The following NAV2 variants were observed in gnomAD, a reference collection of about 807,000 sequenced individuals.
The protein encoded by NAV2 is helicase, APC down-regulated 1.
A neutral mutation model predicts 223.2 loss-of-function variants in NAV2; 54 were observed. That is an observed-to-expected ratio of 0.24 (90% CI 0.19 to 0.30). NAV2 has a LOEUF of 0.30. Ranked by LOEUF, NAV2 falls within the 10% of genes least tolerant of loss-of-function variation. The pLI is 1.00. For missense variants in NAV2, 2,806 were observed against 3,147.5 expected (o/e 0.89, Z 2.60); for synonymous variants, 1,279 against 1,239.3 (o/e 1.03, Z -0.67).
intron 1 of NAV2, among the ~76,000 whole-genome samples, chr11:19,562,805 C>A (rs938272541): frequency 6.6e-6 from 1 of 152,188 alleles, no homozygotes; most frequent in Non-Finnish European, 1.5e-5. Context: ...TCAGTAGCAC[C>A]TACAAGACAG....
At chr11:19,924,246 CTGTT>C (rs2044528681) in intron 6 of NAV2, among the ~76,000 whole-genome samples, 1 of 149,514 alleles carries the variant, frequency 6.7e-6, no homozygotes, top group South Asian at 2.1e-4. Flanking sequence ...CCTTGTAAAA[CTGTT>C]TGGAGAAAAT....
At chr11:20,085,009 T>C (rs1207552831) in intron 26 of NAV2, among the ~76,000 whole-genome samples, 1 of 151,922 alleles carries the variant, frequency 6.6e-6, no homozygotes, top group East Asian at 1.9e-4. Flanking sequence ...GTCAATATAG[T>C]GAGACTCTGT....
chr11:19,582,984 C>T (rs947887429), intron 1 of NAV2, among the ~76,000 whole-genome samples: 31 of 152,144 alleles, frequency 2.0e-4, no homozygotes, highest in Admixed American at 1.3e-3. Flanking sequence ...GCCATTTTCA[C>T]GATATTGATT....
At chr11:19,866,867 T>A (rs1279526722) in intron 3 of NAV2, among the ~76,000 whole-genome samples, 1 of 152,176 alleles carries the variant, frequency 6.6e-6, no homozygotes, top group Non-Finnish European at 1.5e-5. Context: ...GCTTTTTCTT[T>A]TTCTCACTTT....
intron 30 of NAV2, 23 bp from the exon 31 acceptor site, chr11:20,097,554 T>G: frequency 1.3e-6 from 2 of 1,544,664 alleles, no homozygotes; most frequent in Non-Finnish European, 1.7e-6. Context: ...TTTGATGGGG[T>G]CTTTATTTTT....
At chr11:20,006,767 A>G (rs149133173) in intron 11 of NAV2, among the ~76,000 whole-genome samples, 2,163 of 152,210 alleles carry the variant, frequency 0.014, 67 homozygotes, top group African/African-American at 0.049. Context: ...TGGGAGGATC[A>G]CTTGAGCCTG....
chr11:20,114,755 G>A lies in NAV2; in HGVS notation c.7124G>A (p.Ser2375Asn). 3.7e-6 allele frequency: 6 copies of A among 1,613,974 alleles called. No individual in the cohort carries two copies. The highest frequency in any genetic ancestry group is 3.4e-6 in the Non-Finnish European group (4 of 1,179,978). Residue 2375 changes from serine to asparagine, a missense_variant, in exon 37 of 38, where the codon AGC (serine) becomes AAC (asparagine). Transcript: ENST00000349880. ...TCCATGCCTCGGGAGGGATCGACAA[G>A]CAAGCAGATGCCCCCCAGTGATGCT... ...GYSMPREGST[S>N]KQMPPSDAEG...
intron 1 of NAV2, among the ~76,000 whole-genome samples, chr11:19,784,445 ATATTGTATAATAATAATAGTAAT>A (rs1209833427): frequency 2.0e-5 from 3 of 148,816 alleles, no homozygotes; most frequent in Non-Finnish European, 4.5e-5. Context: ...AGTGACATGA[ATATTGTATAATAATAATAGTAAT>A]TATTATTATT....
chr11:19,561,152 C>T (rs2045082396), intron 1 of NAV2, among the ~76,000 whole-genome samples: 1 of 152,210 alleles, frequency 6.6e-6, no homozygotes, highest in African/African-American at 2.4e-5. Flanking sequence ...CAGAAAGAGG[C>T]ATTTCTGATA....
chr11:19,799,996 A>G (rs2058143641), intron 1 of NAV2, among the ~76,000 whole-genome samples: 1 of 152,134 alleles, frequency 6.6e-6, no homozygotes, highest in Non-Finnish European at 1.5e-5. Flanking sequence ...CAGGGCTGCA[A>G]ACTTGAATAG....
At chr11:19,498,044 T>C (rs1008168106) in intron 1 of NAV2, among the ~76,000 whole-genome samples, 10 of 152,220 alleles carry the variant, frequency 6.6e-5, no homozygotes, top group African/African-American at 2.4e-4. Flanking sequence ...TTAAGTGACT[T>C]GCACGAGGAC....
intron 4 of NAV2, among the ~76,000 whole-genome samples, chr11:19,878,447 A>G (rs528210477): frequency 1.6e-4 from 25 of 152,256 alleles, no homozygotes; most frequent in African/African-American, 6.0e-4. Context: ...TTGCCCTTTT[A>G]CTGAGGCCCG....
intron 1 of NAV2, among the ~76,000 whole-genome samples, chr11:19,530,686 T>C (rs957360302): frequency 2.6e-5 from 4 of 152,180 alleles, no homozygotes; most frequent in Admixed American, 2.0e-4. Context: ...TGGCTAAATG[T>C]AGAGGTTGGA....
At chr11:19,461,624 A>G (rs773841156) in intron 1 of NAV2, among the ~76,000 whole-genome samples, 3 of 152,170 alleles carry the variant, frequency 2.0e-5, no homozygotes, top group Non-Finnish European at 4.4e-5. Flanking sequence ...CTTGGAAGGG[A>G]CCGTTTAGAT....
At chr11:19,991,222 C>A (rs2153464757) in intron 11 of NAV2, among the ~76,000 whole-genome samples, 2 of 152,296 alleles carry the variant, frequency 1.3e-5, no homozygotes, top group South Asian at 4.1e-4. Flanking sequence ...TCCACCCCGG[C>A]TCAAGTGATT....
rs762599060 is a variant in NAV2, at chr11:20,095,753, A to G, written c.5998A>G (p.Arg2000Gly). The change falls in exon 30 of 38, where the codon AGA becomes GGA. Residue 2000 changes from arginine (R) to glycine (G), a missense_variant. Around this residue, in one of 4 missense-constraint regions of NAV2, gnomAD observed 824 missense variants for 1,069.4 expected, o/e 0.77. Transcript: ENST00000349880. ...GTGGGATGTGCTCGATGGGGTGGTT[A>G]GACGGCTGTTCAAAGTAAGTGTTTC... ...TKWDVLDGVV[R>G]RLFKEYIIHV... The G allele has an allele frequency of 6.2e-6, 10 of 1,613,706 alleles. No homozygotes were observed. Among genetic ancestry groups the G allele is most frequent in the Non-Finnish European group, 5.1e-6 (6 of 1,179,672 alleles).
chr11:19,475,126 G>T (rs1303218717), intron 1 of NAV2, among the ~76,000 whole-genome samples: 1 of 152,254 alleles, frequency 6.6e-6, no homozygotes, highest in East Asian at 1.9e-4. Context: ...TGCATCTGGG[G>T]AAAGCCGGAA....
chr11:19,786,446 A>C (rs968275360), intron 1 of NAV2, among the ~76,000 whole-genome samples: 2 of 152,228 alleles, frequency 1.3e-5, no homozygotes. Context: ...TACAGTTACC[A>C]TTTCAGTGTT....
intron 1 of NAV2, among the ~76,000 whole-genome samples, chr11:19,459,776 G>T (rs769308116): frequency 6.6e-6 from 1 of 152,206 alleles, no homozygotes; most frequent in Non-Finnish European, 1.5e-5. Context: ...TTTGGAATCA[G>T]ATTGAGGAGC....
Sources: allele counts gnomAD v4.1 joint callset (sites outside exome capture counted in the v4.1 genomes callset), GRCh38; gene constraint gnomAD v4.1.1; regional missense constraint gnomAD v4.1.1; transcripts MANE v1.5; gene names NCBI Gene and HGNC (gene_info 2026-07-23, HGNC 2026-07-21).